Variants in CHRM3 observed in about 807,000 individuals in gnomAD.
CHRM3 encodes the protein muscarinic acetylcholine receptor M3.
CHRM3 carries 11 observed loss-of-function variants against 41.8 expected under a neutral mutation model. That is an observed-to-expected ratio of 0.26 (90% CI 0.17 to 0.44). CHRM3 has a LOEUF of 0.44. CHRM3 is among the 20% of genes least tolerant of loss of function. CHRM3 has a pLI of 1.00. For synonymous variants in CHRM3, 297 were observed against 301.4 expected, an observed-to-expected ratio of 0.99 and a Z score of 0.15; for missense variants, 571 against 745.4, an observed-to-expected ratio of 0.77 and a Z score of 2.72.
At chr1:239,573,000 A>G (rs1661973361) in intron 3 of CHRM3, among the ~76,000 whole-genome samples, 1 of 152,054 alleles carries the variant, frequency 6.6e-6, no homozygotes, top group Non-Finnish European at 1.5e-5. Flanking sequence ...TGAATATCCT[A>G]TTCATCCCTA....
At chr1:239,619,147 T>A (rs1408060666) in intron 3 of CHRM3, among the ~76,000 whole-genome samples, 4 of 152,076 alleles carry the variant, frequency 2.6e-5, no homozygotes, top group African/African-American at 9.7e-5. Context: ...ATTCCTGACC[T>A]CGGGTGATCC....
intron 1 of CHRM3, among the ~76,000 whole-genome samples, chr1:239,430,749 T>C (rs1404447820): frequency 6.6e-6 from 1 of 151,620 alleles, no homozygotes; most frequent in Non-Finnish European, 1.5e-5. Flanking sequence ...TCCCCATATA[T>C]ATCAAGAGTC....
In CHRM3 at chr1:239,618,278, T is replaced by TC. The variant is rs375961726; in HGVS notation, c.-312-13946_-312-13945insC. 1.8e-3 allele frequency among the ~76,000 whole-genome samples: 208 copies of TC among 115,240 alleles called. 1 individual carries two copies. Among genetic ancestry groups the TC allele is most frequent in the South Asian group, 4.9e-3 (17 of 3,498 alleles). The allele number at this position is 115,240 out of a possible 152,430, so 75.6% of individuals were successfully genotyped here. Reference sequence around the variant, plus strand: ...AGTAGGAGTACTTTTTTTTTCTTTCTTTTTTTTTTTTTTTTTTAATGACAA... The same window carrying TC: ...AGTAGGAGTACTTTTTTTTTCTTTCTCTTTTTTTTTTTTTTTTTAATGACAA... On this transcript the variant is annotated intron_variant, in intron 3 of 6. Transcript: ENST00000676153.
chr1:239,570,282 C>T (rs1177888165), intron 3 of CHRM3, among the ~76,000 whole-genome samples: 2 of 152,234 alleles, frequency 1.3e-5, no homozygotes, highest in Non-Finnish European at 2.9e-5. Flanking sequence ...TGCTTGTTTC[C>T]CCTTCATCTA....
intron 1 of CHRM3, among the ~76,000 whole-genome samples, chr1:239,451,256 C>T (rs1664536058): frequency 6.6e-6 from 1 of 152,160 alleles, no homozygotes; most frequent in South Asian, 2.1e-4. Flanking sequence ...GAACCAACCA[C>T]ACTATAGTAG....
At chr1:239,487,764 C>G (rs1474564803) in intron 1 of CHRM3, among the ~76,000 whole-genome samples, 1 of 148,608 alleles carries the variant, frequency 6.7e-6, no homozygotes, top group Non-Finnish European at 1.5e-5. Context: ...ATCTTCATGT[C>G]TAAGGGAAAA....
chr1:239,867,890 C>T (rs1436851041), intron 6 of CHRM3, among the ~76,000 whole-genome samples: 4 of 152,106 alleles, frequency 2.6e-5, no homozygotes, highest in Non-Finnish European at 5.9e-5. Flanking sequence ...CAACCCCAGT[C>T]CCCGGAAGTG....
At chr1:239,781,626 T>C (rs1038953333) in intron 5 of CHRM3, among the ~76,000 whole-genome samples, 1 of 152,134 alleles carries the variant, frequency 6.6e-6, no homozygotes, top group African/African-American at 2.4e-5. Flanking sequence ...CTTGTGTTAT[T>C]GCATTAGCTG....
In CHRM3 at chr1:239,423,963, G is replaced by A. The variant is rs140872209; in HGVS notation, c.-521+36736G>A. ...CCAGCTACTCGGGAGGCTGAGGCAG[G>A]AGAATGGCGTGAACCCAGGAGGTGG... On this transcript the variant is annotated intron_variant, in intron 1 of 6. Coordinates refer to ENST00000676153, the MANE Select transcript of CHRM3 (RefSeq NM_001375978.1). Among the ~76,000 whole-genome samples, 1,091 of 150,742 alleles carry A rather than the reference G, an allele frequency of 7.2e-3. 15 individuals are homozygous for A. The highest frequency in any genetic ancestry group is 0.064 in the East Asian group (324 of 5,072).
chr1:239,680,418 C>T (rs1398750247), intron 5 of CHRM3, among the ~76,000 whole-genome samples: 2 of 151,974 alleles, frequency 1.3e-5, no homozygotes, highest in African/African-American at 2.4e-5. Flanking sequence ...TTGGTCTTCT[C>T]CTCCCAGAAG....
At chr1:239,483,239 G>C (rs983756655) in intron 1 of CHRM3, among the ~76,000 whole-genome samples, 1 of 152,190 alleles carries the variant, frequency 6.6e-6, no homozygotes, top group African/African-American at 2.4e-5. Context: ...AGATATTAAA[G>C]ATTTACTAAG....
chr1:239,893,805 AG>A lies in CHRM3; in HGVS notation c.-19-13625del, dbSNP rs1293992257. Among the ~76,000 whole-genome samples, 29 of 151,486 alleles carry A rather than the reference AG, an allele frequency of 1.9e-4. No individual in the cohort carries two copies. In the South Asian group the frequency reaches 2.9e-3, roughly 15 times the overall value. On this transcript the variant is annotated intron_variant, in intron 6 of 6. Transcript: ENST00000676153. ...ACAATCGAAATCAAAATAAAATTGT[AG>A]GGTTTTTTTCTCATTTCCATAATTT...
At chr1:239,405,605 T>TAA (rs201447816) in intron 1 of CHRM3, among the ~76,000 whole-genome samples, 1 of 148,896 alleles carries the variant, frequency 6.7e-6, no homozygotes, top group South Asian at 2.1e-4. Context: ...CATTTTTCTT[T>TAA]AAAAAAAAAA....
chr1:239,906,414 A>G (rs1447272964), intron 6 of CHRM3, among the ~76,000 whole-genome samples: 1 of 152,196 alleles, frequency 6.6e-6, no homozygotes, highest in African/African-American at 2.4e-5. Flanking sequence ...TTGAGGAATG[A>G]TTTGCTTATC....
chr1:239,755,855 A>G (rs1336419788), intron 5 of CHRM3, among the ~76,000 whole-genome samples: 2 of 152,176 alleles, frequency 1.3e-5, no homozygotes, highest in Non-Finnish European at 1.5e-5. Flanking sequence ...AGACTAAGCT[A>G]TGGTTGTCTT....
intron 5 of CHRM3, among the ~76,000 whole-genome samples, chr1:239,759,637 G>T (rs1666567198): frequency 6.6e-6 from 1 of 152,064 alleles, no homozygotes; most frequent in Non-Finnish European, 1.5e-5. Flanking sequence ...AATTTGTTTT[G>T]AAATGAACTG....
intron 4 of CHRM3, among the ~76,000 whole-genome samples, chr1:239,669,693 C>T (rs1211657313): frequency 1.3e-5 from 2 of 152,072 alleles, no homozygotes; most frequent in Admixed American, 6.6e-5. Context: ...GGGATAATAA[C>T]GTGGAAGGGG....
At chr1:239,554,492 G>A (rs994353904) in intron 3 of CHRM3, among the ~76,000 whole-genome samples, 4 of 151,772 alleles carry the variant, frequency 2.6e-5, no homozygotes, top group African/African-American at 9.7e-5. Flanking sequence ...ACGCACGCAG[G>A]CATGCAGAAA....
chr1:239,666,032 C>T (rs1053474692), intron 4 of CHRM3, among the ~76,000 whole-genome samples: 2 of 152,032 alleles, frequency 1.3e-5, no homozygotes, highest in African/African-American at 4.8e-5. Context: ...GGTATATAAC[C>T]CAGCAATGGG....
Sources: allele counts gnomAD v4.1 joint callset (sites outside exome capture counted in the v4.1 genomes callset), GRCh38; gene constraint gnomAD v4.1.1; transcripts MANE v1.5; gene names NCBI Gene and HGNC (gene_info 2026-07-23, HGNC 2026-07-21).